Variants in TSPAN15 observed in about 807,000 individuals in gnomAD.
TSPAN15 encodes the protein tetraspanin 15.
In TSPAN15, 20 loss-of-function variants were observed where a neutral mutation model predicts 34.5. The observed-to-expected ratio is 0.58, with a 90% CI of 0.41 to 0.84. The LOEUF is 0.84. Among genes scored for constraint, TSPAN15 ranks in the 40% least tolerant of loss-of-function variants. The probability of loss-of-function intolerance (pLI) is 0.00; values close to 1 mark genes in which losing one functional copy is unlikely to be tolerated. For missense variants in TSPAN15, 313 were observed against 386.1 expected, an observed-to-expected ratio of 0.81 and a Z score of 1.59; for synonymous variants, 155 against 153.9, an observed-to-expected ratio of 1.01 and a Z score of -0.05.
intron 3 of TSPAN15, among the ~76,000 whole-genome samples, chr10:69,490,660 G>A (rs1256007255): frequency 6.6e-6 from 1 of 152,240 alleles, no homozygotes; most frequent in Non-Finnish European, 1.5e-5. Flanking sequence ...GGCAGAGGCT[G>A]CAGTGAGCCA....
At chr10:69,539,548 AAGGAGAAGGAGAAGG>A in the TSPAN15 span, among the ~76,000 whole-genome samples, 1 of 107,792 alleles carries the variant, frequency 9.3e-6, no homozygotes, top group Non-Finnish European at 1.9e-5. Flanking sequence ...GGAGAAGGAG[AAGGAGAAGGAGAAGG>A]AGAAGAAGAC....
At chr10:69,465,253 C>A (rs538065684) in intron 1 of TSPAN15, among the ~76,000 whole-genome samples, 1 of 152,174 alleles carries the variant, frequency 6.6e-6, no homozygotes, top group African/African-American at 2.4e-5. Context: ...GGCTTTCCAA[C>A]CACTAGGTGG....
chr10:69,534,651 AAGATAC>A, the TSPAN15 span, among the ~76,000 whole-genome samples: 2 of 152,104 alleles, frequency 1.3e-5, no homozygotes, highest in Non-Finnish European at 2.9e-5. Flanking sequence ...TGGAAGAAAG[AAGATAC>A]AGATGTAATA....
the TSPAN15 span, among the ~76,000 whole-genome samples, chr10:69,543,893 G>A: frequency 7.1e-6 from 1 of 141,334 alleles, no homozygotes; most frequent in Non-Finnish European, 1.5e-5. Context: ...GTGTGTGTGT[G>A]TGTGTGTGTA....
intron 3 of TSPAN15, among the ~76,000 whole-genome samples, chr10:69,485,475 A>G (rs563296690): frequency 1.4e-4 from 21 of 152,188 alleles, no homozygotes; most frequent in Admixed American, 9.2e-4. Flanking sequence ...GTCCCAGCAG[A>G]GGGAAGCTGA....
the TSPAN15 span, among the ~76,000 whole-genome samples, chr10:69,529,259 A>C: frequency 3.4e-5 from 5 of 147,606 alleles, 1 homozygote; most frequent in Non-Finnish European, 6.0e-5. Context: ...ACTCAGAAGG[A>C]GCAGGGCCCC....
intron 1 of TSPAN15, among the ~76,000 whole-genome samples, chr10:69,474,058 T>C (rs1841561889): frequency 6.6e-6 from 1 of 152,176 alleles, no homozygotes; most frequent in Non-Finnish European, 1.5e-5. Flanking sequence ...AGTTTCTATA[T>C]GCCTGATTCA....
At chr10:69,534,574 A>G in the TSPAN15 span, among the ~76,000 whole-genome samples, 1 of 152,230 alleles carries the variant, frequency 6.6e-6, no homozygotes, top group Admixed American at 6.5e-5. Context: ...CAATGTGGAA[A>G]AAAGCAAATG....
downstream of TSPAN15, among the ~76,000 whole-genome samples, chr10:69,511,034 TTC>T (rs1258422498): frequency 6.6e-6 from 1 of 152,182 alleles, no homozygotes; most frequent in East Asian, 1.9e-4. Flanking sequence ...GCCTGAAATT[TTC>T]TTTTTTTTGT....
the TSPAN15 span, among the ~76,000 whole-genome samples, chr10:69,545,411 T>C: frequency 3.5e-4 from 53 of 152,218 alleles, no homozygotes; most frequent in East Asian, 0.01. Flanking sequence ...ATCCAGAGAC[T>C]CAGGGGCACC....
the TSPAN15 span, among the ~76,000 whole-genome samples, chr10:69,516,438 A>T: frequency 6.6e-6 from 1 of 152,196 alleles, no homozygotes; most frequent in African/African-American, 2.4e-5. Context: ...CCTGGGCATC[A>T]TGTGGCCACC....
intron 3 of TSPAN15, among the ~76,000 whole-genome samples, chr10:69,492,599 C>T (rs1400344931): frequency 6.6e-6 from 1 of 152,218 alleles, no homozygotes; most frequent in African/African-American, 2.4e-5. Context: ...CCGAATTTTT[C>T]CAGGCCCCTC....
chr10:69,471,597 T>TCCCTC (rs1366665916), intron 1 of TSPAN15, among the ~76,000 whole-genome samples: 1 of 148,148 alleles, frequency 6.8e-6, no homozygotes, highest in East Asian at 2.0e-4. Context: ...CCTCCCCTCT[T>TCCCTC]CCCTCCCCTC....
At position 69,452,261 on chromosome 10, in the gene TSPAN15, T is replaced by C. The variant is rs1840989267; in HGVS notation, c.96+571T>C. 2.0e-5 allele frequency among the ~76,000 whole-genome samples: 3 copies of C among 152,352 alleles called. No homozygotes were observed. In the South Asian group the frequency reaches 6.2e-4, roughly 32 times the overall value. The stretch of plus-strand genomic sequence containing the variant: ...GCACACCTAGGTGCTCAGTTTCCGC[T>C]GTCGCTGGGCTTTACCTCCTCCTCT... On this transcript the variant is annotated intron_variant, in intron 1 of 7. Coordinates refer to ENST00000373290, the MANE Select transcript of TSPAN15 (RefSeq NM_012339.5).
intron 1 of TSPAN15, among the ~76,000 whole-genome samples, chr10:69,458,184 C>T (rs1337299803): frequency 2.6e-5 from 4 of 152,186 alleles, no homozygotes; most frequent in African/African-American, 7.2e-5. Context: ...AAAGAGGCCA[C>T]GTCCCTGGCC....
chr10:69,530,820 C>CTCTCTATATATA, the TSPAN15 span, among the ~76,000 whole-genome samples: 3 of 30,780 alleles, frequency 9.7e-5, no homozygotes, highest in Non-Finnish European at 1.8e-4. Flanking sequence ...CTCTCTCTCT[C>CTCTCTATATATA]TATATATATA....
the TSPAN15 span, among the ~76,000 whole-genome samples, chr10:69,538,258 G>A: frequency 5.9e-5 from 9 of 152,200 alleles, no homozygotes; most frequent in African/African-American, 2.2e-4. Context: ...GGTTTGCCTG[G>A]TTTAGTGATG....
At chr10:69,504,522 C>T (rs1842283848) in intron 6 of TSPAN15, 37 bp downstream of exon 6, 1 of 1,611,172 alleles carries the variant, frequency 6.2e-7, no homozygotes, top group African/African-American at 1.3e-5. Context: ...GGAAATGTTG[C>T]TCTTCCTGGT....
chr10:69,472,551 G>A (rs73275724), intron 1 of TSPAN15, among the ~76,000 whole-genome samples: 2,482 of 152,272 alleles, frequency 0.016, 66 homozygotes, highest in African/African-American at 0.057. Flanking sequence ...GAGGTGCTTA[G>A]TGTATGTGGA....
Sources: allele counts gnomAD v4.1 joint callset (sites outside exome capture counted in the v4.1 genomes callset), GRCh38; gene constraint gnomAD v4.1.1; transcripts MANE v1.5; gene names NCBI Gene and HGNC (gene_info 2026-07-23, HGNC 2026-07-21).